The following ZFAT variants were observed in gnomAD, a reference collection of about 807,000 sequenced individuals.
The protein encoded by ZFAT is zinc finger and AT-hook domain containing.
A neutral mutation model predicts 117.7 loss-of-function variants in ZFAT; 64 were observed. That is an observed-to-expected ratio of 0.54 (90% CI 0.44 to 0.67). The LOEUF is 0.67. Among genes scored for constraint, ZFAT ranks in the 30% least tolerant of loss-of-function variants. The probability of loss-of-function intolerance (pLI) is 0.00; values close to 1 mark genes in which losing one functional copy is unlikely to be tolerated. For missense variants in ZFAT, 1,433 were observed against 1,584.5 expected, an observed-to-expected ratio of 0.90 and a Z score of 1.62; for synonymous variants, 679 against 615.0, an observed-to-expected ratio of 1.10 and a Z score of -1.54.
intron 11 of ZFAT, among the ~76,000 whole-genome samples, chr8:134,549,131 C>T (rs999078847): frequency 5.3e-5 from 8 of 152,002 alleles, no homozygotes; most frequent in East Asian, 1.9e-4. Context: ...GGCTGACAGA[C>T]GGAAATGTTT....
intron 2 of ZFAT, among the ~76,000 whole-genome samples, chr8:134,646,740 A>C (rs1830919705): frequency 6.6e-6 from 1 of 152,204 alleles, no homozygotes; most frequent in South Asian, 2.1e-4. Flanking sequence ...CCACAGAAAG[A>C]CAAGTGATCA....
chr8:134,515,755 T>A (rs931787797), intron 13 of ZFAT, among the ~76,000 whole-genome samples: 4 of 152,238 alleles, frequency 2.6e-5, no homozygotes, highest in African/African-American at 9.6e-5. Context: ...ATTCTGTAGG[T>A]TGAATCATGG....
chr8:134,536,349 A>C (rs1446907679), intron 11 of ZFAT, among the ~76,000 whole-genome samples: 1 of 152,222 alleles, frequency 6.6e-6, no homozygotes, highest in Non-Finnish European at 1.5e-5. Context: ...AACATCCCCC[A>C]GCAGCCTTTT....
upstream of ZFAT, chr8:134,713,055 G>T: frequency 3.3e-6 from 2 of 610,528 alleles, no homozygotes; most frequent in Non-Finnish European, 4.9e-6. Context: ...TCCTCCCCAC[G>T]GGGCGCAGAC....
the ZFAT span, among the ~76,000 whole-genome samples, chr8:134,755,408 T>TC: frequency 8.7e-6 from 1 of 115,290 alleles, no homozygotes; most frequent in Non-Finnish European, 1.8e-5. Flanking sequence ...AGACTCTGTC[T>TC]CAAAAAAAAA....
In ZFAT at chr8:134,488,765, C is replaced by G. The variant is rs184827185; in HGVS notation, c.3493-10044G>C. Reference sequence around the variant, plus strand: ...GGTCGGGGGAAGGTGGGGTGGGAAGCAGCTGGTGGCCAGGGATGCTTTCCT... The same window carrying G: ...GGTCGGGGGAAGGTGGGGTGGGAAGGAGCTGGTGGCCAGGGATGCTTTCCT... On this transcript the variant is annotated intron_variant, in intron 15 of 15. Transcript: ENST00000377838. Among the ~76,000 whole-genome samples, 973 of 152,188 alleles carry G rather than the reference C, an allele frequency of 6.4e-3. 4 individuals carry two copies. The highest frequency in any genetic ancestry group is 1.0e-2 in the Non-Finnish European group (678 of 68,012).
At chr8:134,676,816 G>A (rs572296261) in intron 1 of ZFAT, among the ~76,000 whole-genome samples, 1 of 152,284 alleles carries the variant, frequency 6.6e-6, no homozygotes, top group East Asian at 1.9e-4. Flanking sequence ...TCAATTACAT[G>A]GGAACTGAAC....
intron 2 of ZFAT, among the ~76,000 whole-genome samples, chr8:134,646,765 C>A (rs1201392565): frequency 6.6e-6 from 1 of 152,024 alleles, no homozygotes; most frequent in Non-Finnish European, 1.5e-5. Context: ...AGACTACTAT[C>A]AACAATTATA....
At chr8:134,695,415 A>G (rs1008360504) in intron 1 of ZFAT, among the ~76,000 whole-genome samples, 2 of 145,928 alleles carry the variant, frequency 1.4e-5, no homozygotes, top group African/African-American at 5.1e-5. Flanking sequence ...AGGCCCGGCC[A>G]TCTCCAACCA....
chr8:134,494,042 A>G (rs1818249639), intron 15 of ZFAT, among the ~76,000 whole-genome samples: 1 of 152,158 alleles, frequency 6.6e-6, no homozygotes, highest in African/African-American at 2.4e-5. Flanking sequence ...CTTCCCCTTT[A>G]AGTGCACATA....
intron 1 of ZFAT, among the ~76,000 whole-genome samples, chr8:134,699,417 TCCTAGTG>T (rs1314351530): frequency 2.0e-5 from 3 of 152,150 alleles, no homozygotes; most frequent in African/African-American, 7.2e-5. Flanking sequence ...CTGGCTGCAC[TCCTAGTG>T]AGGAGTGGAC....
chr8:134,516,483 C>A (rs77651340), intron 13 of ZFAT, among the ~76,000 whole-genome samples: 2,854 of 152,098 alleles, frequency 0.019, 76 homozygotes, highest in African/African-American at 0.064. Flanking sequence ...TTCCCCTCAT[C>A]GAATGTTTGG....
At chr8:134,790,294 A>G in the ZFAT span, among the ~76,000 whole-genome samples, 2 of 152,170 alleles carry the variant, frequency 1.3e-5, no homozygotes, top group African/African-American at 4.8e-5. Flanking sequence ...ACCTTTTGTT[A>G]AAGTAATAGA....
intron 15 of ZFAT, among the ~76,000 whole-genome samples, chr8:134,493,846 T>G (rs1054276890): frequency 1.3e-5 from 2 of 152,114 alleles, no homozygotes; most frequent in African/African-American, 4.8e-5. Flanking sequence ...ACCCAGCTTA[T>G]AGTAGGCACT....
intron 1 of ZFAT, among the ~76,000 whole-genome samples, chr8:134,697,898 C>T (rs1450122280): frequency 6.8e-6 from 1 of 147,398 alleles, no homozygotes; most frequent in East Asian, 2.3e-4. Flanking sequence ...CAATATTTAA[C>T]ATGCTCAGTG....
At chr8:134,829,978 T>C in the ZFAT span, among the ~76,000 whole-genome samples, 5 of 152,204 alleles carry the variant, frequency 3.3e-5, no homozygotes, top group African/African-American at 4.8e-5. Context: ...AAACGCTCGA[T>C]AAAAATGATT....
chr8:134,508,437 G>A (rs140090804), intron 15 of ZFAT, among the ~76,000 whole-genome samples: 1 of 152,280 alleles, frequency 6.6e-6, no homozygotes, highest in Non-Finnish European at 1.5e-5. Flanking sequence ...ACTGTTTAAC[G>A]TCTCCTTTTT....
chr8:134,513,553 G>A (rs1397377029), intron 13 of ZFAT, among the ~76,000 whole-genome samples: 1 of 152,210 alleles, frequency 6.6e-6, no homozygotes, highest in Non-Finnish European at 1.5e-5. Flanking sequence ...CAGGACTTGC[G>A]AGGGTAGGAG....
intron 5 of ZFAT, among the ~76,000 whole-genome samples, chr8:134,606,512 CA>C (rs1267488876): frequency 6.6e-6 from 1 of 152,020 alleles, no homozygotes; most frequent in African/African-American, 2.4e-5. Context: ...GTCAAGAGTT[CA>C]AGAACAGCCT....
Sources: allele counts gnomAD v4.1 joint callset (sites outside exome capture counted in the v4.1 genomes callset), GRCh38; gene constraint gnomAD v4.1.1; transcripts MANE v1.5; gene names NCBI Gene and HGNC (gene_info 2026-07-23, HGNC 2026-07-21).